The following ZHX2 variants were observed in gnomAD, a reference collection of about 807,000 sequenced individuals.
ZHX2 encodes the protein zinc fingers and homeoboxes protein 2.
ZHX2 carries 6 observed loss-of-function variants against 21.9 expected under a neutral mutation model. The observed-to-expected ratio is 0.27, with a 90% CI of 0.15 to 0.54. ZHX2 has a LOEUF of 0.54. Among genes scored for constraint, ZHX2 ranks in the 20% least tolerant of loss-of-function variants. The pLI, the probability that ZHX2 is intolerant of heterozygous loss-of-function variation, is 0.95. For missense variants in ZHX2, 908 were observed against 1,090.7 expected (o/e 0.83, Z 2.36); for synonymous variants, 434 against 437.1 (o/e 0.99, Z 0.09).
At chr8:122,829,214 G>A (rs185069692) in intron 1 of ZHX2, among the ~76,000 whole-genome samples, 2 of 152,364 alleles carry the variant, frequency 1.3e-5, no homozygotes, top group African/African-American at 2.4e-5. Flanking sequence ...AAATGGCTGA[G>A]CCAGGATTCA....
intron 1 of ZHX2, among the ~76,000 whole-genome samples, chr8:122,789,357 G>A (rs370416537): frequency 5.9e-5 from 9 of 152,210 alleles, no homozygotes; most frequent in African/African-American, 2.2e-4. Context: ...ATTGCTCTAA[G>A]GACAAAGCCA....
chr8:122,899,324 T>G lies in ZHX2; in HGVS notation c.-220+35785T>G, dbSNP rs945325003. On this transcript the variant is annotated intron_variant, in intron 2 of 3. Coordinates refer to ENST00000314393, the MANE Select transcript of ZHX2 (RefSeq NM_014943.5). Reference sequence around the variant, plus strand: ...GAACATTTCCTCTCCCAGACATGTATTTTATCTGCCTTTCTTCCCCACTCC... The same window carrying G: ...GAACATTTCCTCTCCCAGACATGTAGTTTATCTGCCTTTCTTCCCCACTCC... 2.0e-5 allele frequency among the ~76,000 whole-genome samples: 3 copies of G among 152,290 alleles called. No individual in the cohort carries two copies. In the East Asian group the frequency reaches 5.8e-4, roughly 29 times the overall value.
chr8:122,784,481 A>G (rs1817355317), intron 1 of ZHX2, among the ~76,000 whole-genome samples: 1 of 152,246 alleles, frequency 6.6e-6, no homozygotes, highest in Admixed American at 6.5e-5. Flanking sequence ...GCATTCAGAT[A>G]CACGACGTCA....
intron 1 of ZHX2, among the ~76,000 whole-genome samples, chr8:122,802,464 T>C (rs1817738618): frequency 6.6e-6 from 1 of 152,206 alleles, no homozygotes; most frequent in Non-Finnish European, 1.5e-5. Flanking sequence ...CAGAGGCCCG[T>C]GGCTGCCCTA....
chr8:122,960,625 G>A (rs183880531), intron 3 of ZHX2, among the ~76,000 whole-genome samples: 22 of 152,254 alleles, frequency 1.4e-4, no homozygotes, highest in African/African-American at 5.1e-4. Flanking sequence ...GGAGCATGCT[G>A]GGCAGAGAGG....
chr8:122,842,919 C>T (rs1818671176), intron 1 of ZHX2, among the ~76,000 whole-genome samples: 1 of 152,234 alleles, frequency 6.6e-6, no homozygotes, highest in African/African-American at 2.4e-5. Context: ...GCCTCACCCC[C>T]AGAATCTCTG....
chr8:122,894,196 C>T (rs899219164), intron 2 of ZHX2, among the ~76,000 whole-genome samples: 13 of 152,180 alleles, frequency 8.5e-5, no homozygotes, highest in Non-Finnish European at 1.5e-4. Context: ...TGGGCTGTGG[C>T]GGTTATGCAC....
intron 2 of ZHX2, among the ~76,000 whole-genome samples, chr8:122,886,689 GA>G (rs1224630409): frequency 1.3e-5 from 2 of 152,104 alleles, no homozygotes; most frequent in Non-Finnish European, 2.9e-5. Context: ...TGATATAACA[GA>G]ATTAACAAAA....
chr8:122,786,462 A>G (rs759424660), intron 1 of ZHX2, among the ~76,000 whole-genome samples: 12 of 152,054 alleles, frequency 7.9e-5, no homozygotes, highest in Admixed American at 2.0e-4. Context: ...ACTTACCTCA[A>G]TTTTCTTATC....
chr8:122,922,285 AAAAG>A (rs1820759348), intron 2 of ZHX2, among the ~76,000 whole-genome samples: 1 of 152,126 alleles, frequency 6.6e-6, no homozygotes, highest in African/African-American at 2.4e-5. Context: ...GAAAAAAAAA[AAAAG>A]AAAAGGAAAA....
At chr8:122,888,559 G>C (rs2129845945) in intron 2 of ZHX2, among the ~76,000 whole-genome samples, 1 of 152,232 alleles carries the variant, frequency 6.6e-6, no homozygotes, top group Admixed American at 6.5e-5. Flanking sequence ...TTGGCTCACT[G>C]CAACCTCCGC....
At chr8:122,870,315 T>A (rs892880675) in intron 2 of ZHX2, among the ~76,000 whole-genome samples, 1 of 151,944 alleles carries the variant, frequency 6.6e-6, no homozygotes, top group Non-Finnish European at 1.5e-5. Flanking sequence ...GGGAGTGATA[T>A]GATGCAACCT....
rs138210498 is a variant in ZHX2, at chr8:122,825,899, T to C, written c.-282-37578T>C. 3.5e-3 allele frequency among the ~76,000 whole-genome samples: 529 copies of C among 152,312 alleles called. 3 individuals are homozygous for C. The highest frequency in any genetic ancestry group is 0.012 in the African/African-American group (483 of 41,584). On this transcript the variant is annotated intron_variant, in intron 1 of 3. Coordinates refer to ENST00000314393, the MANE Select transcript of ZHX2 (RefSeq NM_014943.5). Reference sequence around the variant, plus strand: ...CCATAAATTCCCCTCTCCCCCTCTCTTTATTTCCTCCTTCATTATCCCCTG... The same window carrying C: ...CCATAAATTCCCCTCTCCCCCTCTCCTTATTTCCTCCTTCATTATCCCCTG...
chr8:122,920,365 C>G (rs1198108530), intron 2 of ZHX2, among the ~76,000 whole-genome samples: 3 of 151,166 alleles, frequency 2.0e-5, no homozygotes, highest in Non-Finnish European at 4.4e-5. Context: ...CTTTTGATAC[C>G]TTTGGTACCA....
intron 1 of ZHX2, among the ~76,000 whole-genome samples, chr8:122,858,250 G>C (rs1398373645): frequency 6.6e-6 from 1 of 152,180 alleles, no homozygotes; most frequent in Admixed American, 6.5e-5. Context: ...ATCACCTTAG[G>C]ACATCATGGC....
In ZHX2 at chr8:122,940,120, A is replaced by G. The variant is rs566650611; in HGVS notation, c.-219-11172A>G. 2.6e-4 allele frequency among the ~76,000 whole-genome samples: 39 copies of G among 152,272 alleles called. No homozygotes were observed. In the South Asian group the frequency reaches 7.1e-3, roughly 28 times the overall value. ...TGCATGTGGGTTTGGGGGTTGTGAG[A>G]TGGGCACTAAGGCTGTGGCCAGAGA... On this transcript the variant is annotated intron_variant, in intron 2 of 3. Transcript: ENST00000314393.
chr8:122,803,387 T>G (rs1817757233), intron 1 of ZHX2, among the ~76,000 whole-genome samples: 1 of 152,166 alleles, frequency 6.6e-6, no homozygotes, highest in Non-Finnish European at 1.5e-5. Flanking sequence ...GTATCAGGTC[T>G]CCTGTCATCT....
intron 2 of ZHX2, among the ~76,000 whole-genome samples, chr8:122,922,167 C>T (rs747631701): frequency 1.3e-5 from 2 of 151,500 alleles, no homozygotes; most frequent in Non-Finnish European, 2.9e-5. Flanking sequence ...CCCACCAACA[C>T]CTTCTTATCC....
At chr8:122,963,231 C>T (rs1051635346) in intron 3 of ZHX2, among the ~76,000 whole-genome samples, 3 of 152,152 alleles carry the variant, frequency 2.0e-5, no homozygotes, top group Admixed American at 1.3e-4. Context: ...CTGATGTTAT[C>T]TTGGAGAATT....
Sources: gnomAD v4.1 joint callset for allele counts (sites outside exome capture counted in the v4.1 genomes callset) on GRCh38, gnomAD v4.1.1 for gene constraint, MANE v1.5 for transcripts, NCBI Gene and HGNC (gene_info 2026-07-23, HGNC 2026-07-21) for gene names.